KCNK2: variants seen among roughly 807,000 people sequenced by gnomAD.
KCNK2 encodes potassium two pore domain channel subfamily K member 2.
In KCNK2, 21 loss-of-function variants were observed where a neutral mutation model predicts 40.5. That is an observed-to-expected ratio of 0.52 (90% confidence interval 0.37 to 0.75). KCNK2 has a LOEUF of 0.75. Ranked by LOEUF, KCNK2 falls within the 30% of genes least tolerant of loss-of-function variation. The pLI is 0.00. For synonymous variants in KCNK2, 191 were observed against 202.2 expected, an observed-to-expected ratio of 0.94 and a Z score of 0.47; for missense variants, 399 against 531.6, an observed-to-expected ratio of 0.75 and a Z score of 2.45.
chr1:215,168,966 C>T (rs1663573223), intron 3 of KCNK2, among the ~76,000 whole-genome samples: 1 of 152,002 alleles, frequency 6.6e-6, no homozygotes, highest in African/African-American at 2.4e-5. Flanking sequence ...CAGTTTTCAT[C>T]ATCTCACAGT....
chr1:215,072,533 C>A (rs1658794162), intron 1 of KCNK2, among the ~76,000 whole-genome samples: 1 of 152,180 alleles, frequency 6.6e-6, no homozygotes. Flanking sequence ...TCAGGCTTCT[C>A]TTGAAAAGTT....
intron 3 of KCNK2, among the ~76,000 whole-genome samples, 161 bp from the exon 4 acceptor site, chr1:215,169,038 A>C (rs947599442): frequency 1.1e-4 from 16 of 152,180 alleles, no homozygotes; most frequent in African/African-American, 3.9e-4. Flanking sequence ...AGAATATCTT[A>C]TATTAGAACA....
intron 1 of KCNK2, among the ~76,000 whole-genome samples, chr1:215,020,654 G>A (rs1450067314): frequency 2.0e-5 from 3 of 152,118 alleles, no homozygotes; most frequent in Admixed American, 2.0e-4. Context: ...TTGAACTCCT[G>A]AGCTCAGGCA....
chr1:215,124,893 G>T, intron 3 of KCNK2, 143 bp downstream of exon 3: 1 of 632,772 alleles, frequency 1.6e-6, no homozygotes. Context: ...TTGAAAAGGG[G>T]ATTTAAAGAT....
chr1:215,139,902 A>G (rs1353367590), intron 3 of KCNK2, among the ~76,000 whole-genome samples: 1 of 152,202 alleles, frequency 6.6e-6, no homozygotes, highest in Non-Finnish European at 1.5e-5. Flanking sequence ...ATAGAATAAT[A>G]CAGAAGTGTA....
At chr1:215,046,510 A>C (rs1657776692) in intron 1 of KCNK2, among the ~76,000 whole-genome samples, 1 of 152,018 alleles carries the variant, frequency 6.6e-6, no homozygotes, top group South Asian at 2.1e-4. Context: ...TTGTACTTTC[A>C]ACTTTGAAAG....
At chr1:215,131,872 A>G (rs866392565) in intron 3 of KCNK2, among the ~76,000 whole-genome samples, 1 of 152,126 alleles carries the variant, frequency 6.6e-6, no homozygotes, top group African/African-American at 2.4e-5. Context: ...TTTTGTTTCT[A>G]TATTTTGAAC....
chr1:215,120,609 G>C (rs1235537134), intron 2 of KCNK2, among the ~76,000 whole-genome samples: 1 of 152,102 alleles, frequency 6.6e-6, no homozygotes, highest in African/African-American at 2.4e-5. Context: ...GTGTGCACGT[G>C]AATCTGTGGC....
intron 5 of KCNK2, among the ~76,000 whole-genome samples, chr1:215,188,494 T>C (rs1664541682): frequency 6.6e-6 from 1 of 152,174 alleles, no homozygotes; most frequent in Non-Finnish European, 1.5e-5. Context: ...CCTGTATAAC[T>C]GAAATTATGA....
At chr1:215,062,089 A>G (rs2102508377) in intron 1 of KCNK2, among the ~76,000 whole-genome samples, 1 of 152,304 alleles carries the variant, frequency 6.6e-6, no homozygotes, top group East Asian at 1.9e-4. Context: ...TTATAATGGT[A>G]ACACTCTCCC....
At chr1:215,221,793 A>T (rs998748449) in intron 6 of KCNK2, among the ~76,000 whole-genome samples, 11 of 152,242 alleles carry the variant, frequency 7.2e-5, no homozygotes, top group African/African-American at 2.7e-4. Flanking sequence ...ACAGTGTATG[A>T]AAATTTATCT....
chr1:215,066,045 C>T (rs1041005094), intron 1 of KCNK2, among the ~76,000 whole-genome samples: 2 of 152,026 alleles, frequency 1.3e-5, no homozygotes, highest in Non-Finnish European at 2.9e-5. Context: ...GGTTCTCACT[C>T]GTAAGTGAGA....
chr1:215,086,979 T>C (rs1659472231), intron 2 of KCNK2, among the ~76,000 whole-genome samples: 1 of 152,246 alleles, frequency 6.6e-6, no homozygotes, highest in Non-Finnish European at 1.5e-5. Flanking sequence ...TCCTGCTTTC[T>C]TTCCCTTTGC....
intron 6 of KCNK2, among the ~76,000 whole-genome samples, chr1:215,230,528 TATATGTATATATATACAC>T (rs1666605780): frequency 1.1e-5 from 1 of 87,974 alleles, no homozygotes; most frequent in African/African-American, 5.3e-5. Flanking sequence ...TATATATATA[TATATGTATATATATACAC>T]ACACATAACA....
At chr1:215,194,902 T>C (rs745349220) in intron 5 of KCNK2, 51 bp from the exon 6 acceptor site, 1 of 1,579,480 alleles carries the variant, frequency 6.3e-7, no homozygotes, top group Non-Finnish European at 8.7e-7. Context: ...ACCTAGATTG[T>C]TTACTTTTAA....
chr1:215,149,171 G>A (rs933048978), intron 3 of KCNK2, among the ~76,000 whole-genome samples: 3 of 152,172 alleles, frequency 2.0e-5, no homozygotes, highest in African/African-American at 7.2e-5. Context: ...CTTTGAGGTA[G>A]TGGCGGTGGA....
At chr1:215,017,678 C>A (rs575805038) in intron 1 of KCNK2, among the ~76,000 whole-genome samples, 37 of 152,216 alleles carry the variant, frequency 2.4e-4, no homozygotes, top group African/African-American at 8.4e-4. Flanking sequence ...CATGTATAGA[C>A]TATAGCTAAT....
intron 1 of KCNK2, among the ~76,000 whole-genome samples, chr1:215,033,729 T>C (rs550567280): frequency 2.6e-5 from 4 of 152,314 alleles, no homozygotes; most frequent in Admixed American, 6.5e-5. Flanking sequence ...GTTGAATATT[T>C]AGTCTCCGAT....
intron 3 of KCNK2, among the ~76,000 whole-genome samples, chr1:215,139,716 G>C (rs1662087307): frequency 6.6e-6 from 1 of 151,930 alleles, no homozygotes; most frequent in South Asian, 2.1e-4. Flanking sequence ...CCAGGAGGTG[G>C]AGGTTCAAAA....
Sources: allele counts gnomAD v4.1 joint callset (sites outside exome capture counted in the v4.1 genomes callset), GRCh38; gene constraint gnomAD v4.1.1; transcripts MANE v1.5; gene names NCBI Gene and HGNC (gene_info 2026-07-23, HGNC 2026-07-21).